EHBP1: variants seen among roughly 807,000 people sequenced by gnomAD.
The protein encoded by EHBP1 is EH domain-binding protein 1.
A neutral mutation model predicts 144.0 loss-of-function variants in EHBP1; 55 were observed. That is an observed-to-expected ratio of 0.38 (90% CI 0.31 to 0.48). The LOEUF is 0.48. Ranked by LOEUF, EHBP1 falls within the 20% of genes least tolerant of loss-of-function variation. EHBP1 has a pLI of 0.98. For missense variants in EHBP1, 1,200 were observed against 1,364.2 expected (o/e 0.88, Z 1.90); for synonymous variants, 469 against 472.7 (o/e 0.99, Z 0.10).
At chr2:62,735,348 A>G (rs139753852) in intron 2 of EHBP1, among the ~76,000 whole-genome samples, 10 of 152,172 alleles carry the variant, frequency 6.6e-5, no homozygotes, top group East Asian at 3.9e-4. Context: ...TCCACTTTCA[A>G]GTAACACTGT....
At chr2:62,852,916 A>G (rs890992328) in intron 7 of EHBP1, among the ~76,000 whole-genome samples, 9 of 152,170 alleles carry the variant, frequency 5.9e-5, no homozygotes, top group Non-Finnish European at 1.3e-4. Flanking sequence ...GAAACTTTGT[A>G]AGTCTGACTA....
At chr2:63,017,554 C>T (rs181604725) in intron 19 of EHBP1, among the ~76,000 whole-genome samples, 11 of 152,204 alleles carry the variant, frequency 7.2e-5, no homozygotes, top group Non-Finnish European at 1.2e-4. Context: ...CAACCAAGTA[C>T]TTGGTATTTG....
chr2:63,019,892 GA>G (rs1187318339), intron 19 of EHBP1, among the ~76,000 whole-genome samples: 2 of 138,208 alleles, frequency 1.4e-5, no homozygotes, highest in South Asian at 2.4e-4. Context: ...AGGAAGGAAG[GA>G]AAAAAAAATG....
chr2:63,020,515 GAA>G (rs1034308239), intron 19 of EHBP1, among the ~76,000 whole-genome samples: 1 of 147,506 alleles, frequency 6.8e-6, no homozygotes, highest in African/African-American at 2.5e-5. Context: ...AAAAAAAAAA[GAA>G]AGAAAAAAGA....
chr2:62,934,467 AC>A (rs763418421), intron 10 of EHBP1, among the ~76,000 whole-genome samples: 2 of 152,092 alleles, frequency 1.3e-5, no homozygotes, highest in Non-Finnish European at 1.5e-5. Context: ...CTAGCTACAA[AC>A]CCTTTTTTGA....
chr2:62,737,632 G>A (rs1231730562), intron 2 of EHBP1, among the ~76,000 whole-genome samples: 2 of 152,216 alleles, frequency 1.3e-5, no homozygotes, highest in East Asian at 1.9e-4. Flanking sequence ...AGGATGGAGC[G>A]GCAAACTGGA....
Position 62,826,142 on chromosome 2 carries a change from A to G in EHBP1, c.368A>G (p.Gln123Arg). ...GCTACTAGCAGCATCAATATGAAAC[A>G]GTATGCAAGCCCTATGCCAACTCAG... is the stretch of plus-strand genomic sequence containing the variant. ...ALATSSINMKQYASPMPTQTD... is the reference protein window; with the variant it reads ...ALATSSINMKRYASPMPTQTD... Residue 123 changes from glutamine to arginine, a missense_variant, in exon 6 of 23, where the codon CAG (glutamine) becomes CGG (arginine). This residue lies in a region of EHBP1 where 137 missense variants were observed against 190.1 expected (regional missense o/e 0.72). Transcript: ENST00000431489. 6.3e-7 allele frequency: 1 copy of G among 1,591,242 alleles called. No individual in the cohort carries two copies. The highest frequency in any genetic ancestry group is 8.6e-7 in the Non-Finnish European group (1 of 1,169,382).
intron 10 of EHBP1, among the ~76,000 whole-genome samples, chr2:62,923,227 G>A (rs977788766): frequency 1.4e-4 from 21 of 152,182 alleles, no homozygotes; most frequent in Non-Finnish European, 2.6e-4. Context: ...GATTGGCTAT[G>A]ACATTGGTCC....
chr2:62,674,047 A>G (rs1186115717), exon 1 of EHBP1: 1 of 471,182 alleles, frequency 2.1e-6, no homozygotes, highest in Non-Finnish European at 4.4e-6. Context: ...AGCCGAATCA[A>G]AAAGCCAAGC....
At position 62,958,694 on chromosome 2, in the gene EHBP1, C is replaced by A. The variant is rs1574247269; in HGVS notation, c.2460+3034C>A. On this transcript the variant is annotated intron_variant, in intron 14 of 22. Transcript: ENST00000431489. ...TACTAGATGTAAATTACATCTTTAT[C>A]TTTTTAAATTATTACAAGCAAAAGT... 2.0e-5 allele frequency among the ~76,000 whole-genome samples: 3 copies of A among 152,216 alleles called. No individual in the cohort carries two copies. In the East Asian group the frequency reaches 5.8e-4, roughly 29 times the overall value.
chr2:62,717,084 AT>A (rs1441235995), intron 2 of EHBP1, among the ~76,000 whole-genome samples: 2 of 151,880 alleles, frequency 1.3e-5, no homozygotes, highest in African/African-American at 2.4e-5. Context: ...TTACTTAAAA[AT>A]TTTTTTCCTG....
intron 4 of EHBP1, among the ~76,000 whole-genome samples, chr2:62,768,573 A>G (rs1489165907): frequency 6.6e-6 from 1 of 152,222 alleles, no homozygotes; most frequent in African/African-American, 2.4e-5. Context: ...TTCACAGCCA[A>G]ATTCTACCAG....
chr2:62,827,067 C>T (rs567352837), intron 6 of EHBP1, among the ~76,000 whole-genome samples: 1 of 152,292 alleles, frequency 6.6e-6, no homozygotes, highest in African/African-American at 2.4e-5. Flanking sequence ...TTTATCTAAT[C>T]TGAATCACAG....
At chr2:62,770,401 A>G (rs576683731) in intron 4 of EHBP1, among the ~76,000 whole-genome samples, 1 of 152,362 alleles carries the variant, frequency 6.6e-6, no homozygotes, top group East Asian at 1.9e-4. Flanking sequence ...GCCAACAAGC[A>G]TATGAAAAAA....
At chr2:62,807,038 T>C (rs753376424) in intron 5 of EHBP1, among the ~76,000 whole-genome samples, 41 of 152,208 alleles carry the variant, frequency 2.7e-4, no homozygotes, top group Non-Finnish European at 5.0e-4. Flanking sequence ...TTTTCTATCC[T>C]GCAAATACTG....
Position 63,008,592 on chromosome 2 carries a change from A to T in EHBP1, c.3103+11826A>T, listed in dbSNP as rs150184927. 3.3e-4 allele frequency among the ~76,000 whole-genome samples: 49 copies of T among 149,458 alleles called. No homozygotes were observed. In the East Asian group the frequency reaches 8.5e-3, roughly 26 times the overall value. On this transcript the variant is annotated intron_variant, in intron 19 of 22. Coordinates refer to ENST00000431489, the MANE Select transcript of EHBP1 (RefSeq NM_001142616.3). Reference sequence around the variant, plus strand: ...TTTTTTAATTTGTAAGGAGCAAAAGATATCTTTTTGTACCTAGAGGTTTTT... The same window carrying T: ...TTTTTTAATTTGTAAGGAGCAAAAGTTATCTTTTTGTACCTAGAGGTTTTT...
At chr2:62,861,804 A>G (rs2049577358) in intron 8 of EHBP1, among the ~76,000 whole-genome samples, 1 of 151,068 alleles carries the variant, frequency 6.6e-6, no homozygotes, top group Admixed American at 6.6e-5. Context: ...TGCCTATTCT[A>G]GCATCTTCAA....
chr2:63,002,952 G>A (rs2059906000), intron 19 of EHBP1, among the ~76,000 whole-genome samples: 1 of 152,004 alleles, frequency 6.6e-6, no homozygotes, highest in African/African-American at 2.4e-5. Context: ...TTTATACTAT[G>A]TGTATCTTTC....
At chr2:62,871,677 C>A (rs2050497083) in intron 9 of EHBP1, among the ~76,000 whole-genome samples, 1 of 152,194 alleles carries the variant, frequency 6.6e-6, no homozygotes, top group Non-Finnish European at 1.5e-5. Flanking sequence ...CCTTCCATTA[C>A]CAAACTTCCT....
Sources: gnomAD v4.1 joint callset for allele counts (sites outside exome capture counted in the v4.1 genomes callset) on GRCh38, gnomAD v4.1.1 for gene constraint, gnomAD v4.1.1 regional missense constraint, MANE v1.5 for transcripts, NCBI Gene and HGNC (gene_info 2026-07-23, HGNC 2026-07-21) for gene names.